BANK1: variants seen among roughly 807,000 people sequenced by gnomAD.
BANK1 encodes the protein B-cell scaffold protein with ankyrin repeats.
A neutral mutation model predicts 94.5 loss-of-function variants in BANK1; 95 were observed. The observed-to-expected ratio is 1.00, with a 90% CI of 0.85 to 1.19. BANK1 has a LOEUF of 1.19. Among genes scored for constraint, BANK1 ranks in the 50% most tolerant of loss-of-function variants. BANK1 has a pLI of 0.00. For missense variants in BANK1, 987 were observed against 932.2 expected, an observed-to-expected ratio of 1.06 and a Z score of -0.77; for synonymous variants, 334 against 308.4, an observed-to-expected ratio of 1.08 and a Z score of -0.87.
At chr4:101,995,107 C>G (rs962797924) in intron 7 of BANK1, among the ~76,000 whole-genome samples, 4 of 152,016 alleles carry the variant, frequency 2.6e-5, no homozygotes, top group African/African-American at 7.2e-5. Flanking sequence ...TAACCCCCCA[C>G]CACCTGACAG....
intron 7 of BANK1, among the ~76,000 whole-genome samples, chr4:101,964,931 A>G (rs2148920587): frequency 9.1e-6 from 1 of 110,302 alleles, no homozygotes; most frequent in East Asian, 2.9e-4. Context: ...CCGCCCCACA[A>G]CAGTCCCCAG....
At chr4:101,897,288 TTA>T (rs1224772213) in intron 6 of BANK1, among the ~76,000 whole-genome samples, 1 of 152,022 alleles carries the variant, frequency 6.6e-6, no homozygotes, top group East Asian at 1.9e-4. Flanking sequence ...TTCCTCAGCA[TTA>T]TATTTGCTTA....
Position 101,954,457 on chromosome 4 carries a change from C to T in BANK1, c.1206+36268C>T, listed in dbSNP as rs1053054184. Among the ~76,000 whole-genome samples, 6 of 151,998 alleles carry T rather than the reference C, an allele frequency of 3.9e-5. No individual in the cohort carries two copies. In the South Asian group the frequency reaches 8.3e-4, roughly 21 times the overall value. ...ATTTAGCAAGAAGATCAAATCTAAA[C>T]GAAGCCAGGTAAACATTAGTAGGCC... On this transcript the variant is annotated intron_variant, in intron 7 of 16. Transcript: ENST00000322953.
rs747788155 is a variant in BANK1 at position 101,977,110 on chromosome 4, CAG to C, written c.1207-44402_1207-44401del. The C allele has an allele frequency of 3.3e-5, 5 of 152,238 alleles. No homozygotes were observed. In the East Asian group the frequency reaches 9.7e-4, roughly 29 times the overall value. 9.4% of individuals were successfully genotyped at this position (152,238 alleles called of 1,614,324 possible). A position where few individuals can be genotyped will look rare whatever the true frequency, so the allele number is the denominator to read the frequency against. On this transcript the variant is annotated intron_variant, in intron 7 of 16. Coordinates refer to ENST00000322953, the MANE Select transcript of BANK1 (RefSeq NM_017935.5). ...AGTCAGGATAGGCTAGCTGCAATAA[CAG>C]AAAACACAGAATTCTCAGTGGCTAA...
intron 7 of BANK1, among the ~76,000 whole-genome samples, chr4:101,918,976 T>C (rs943857841): frequency 4.4e-4 from 67 of 152,070 alleles, no homozygotes; most frequent in African/African-American, 1.5e-3. Flanking sequence ...TTTTGTCTTA[T>C]GTCCTTCAAA....
At chr4:101,907,190 A>C (rs561579782) in intron 6 of BANK1, among the ~76,000 whole-genome samples, 1 of 152,350 alleles carries the variant, frequency 6.6e-6, no homozygotes, top group Admixed American at 6.5e-5. Context: ...TGCCTTTATC[A>C]AAAAGCTTAT....
In BANK1 at chr4:101,855,077, G is replaced by A. The variant is rs372497686; in HGVS notation, c.512G>A (p.Arg171Gln). Residue 171 changes from arginine to glutamine, a missense_variant, in exon 3 of 17, where the codon CGA (arginine) becomes CAA (glutamine). Arg to Gln is a conservative substitution (Grantham distance 43). Transcript: ENST00000322953. The part of the protein sequence containing the change: ...YFEVNIPTDL[R>Q]AKHSGEISER... ...GAGGTCAACATTCCAACAGACCTACGAGCAAAACATTCTGGGGAAATAAGT... is the reference window on the plus strand; with the variant it reads ...GAGGTCAACATTCCAACAGACCTACAAGCAAAACATTCTGGGGAAATAAGT... 1.4e-5 allele frequency: 23 copies of A among 1,613,048 alleles called. No individual in the cohort carries two copies. The highest frequency in any genetic ancestry group is 1.3e-4 in the African/African-American group (10 of 74,822).
intron 7 of BANK1, among the ~76,000 whole-genome samples, chr4:101,950,630 A>G (rs1724116398): frequency 6.6e-6 from 1 of 152,210 alleles, no homozygotes; most frequent in South Asian, 2.1e-4. Flanking sequence ...CATAAAGTTT[A>G]AAAAACGTGA....
chr4:101,948,882 C>T (rs1032010314), intron 7 of BANK1, among the ~76,000 whole-genome samples: 2 of 152,052 alleles, frequency 1.3e-5, no homozygotes, highest in Non-Finnish European at 2.9e-5. Flanking sequence ...TAATATTTGC[C>T]TTGCCTTTAT....
intron 4 of BANK1, among the ~76,000 whole-genome samples, chr4:101,870,036 T>C (rs1328660929): frequency 1.3e-5 from 2 of 151,988 alleles, no homozygotes; most frequent in African/African-American, 2.4e-5. Context: ...TTGCAGTCAA[T>C]TGAATACAAA....
chr4:101,914,454 C>A (rs1034752734), intron 6 of BANK1, among the ~76,000 whole-genome samples: 3 of 152,222 alleles, frequency 2.0e-5, no homozygotes, highest in Middle Eastern at 3.4e-3. Flanking sequence ...AATGGGAAAC[C>A]AATTTTGAAC....
At chr4:101,958,983 T>C (rs896100020) in intron 7 of BANK1, among the ~76,000 whole-genome samples, 2 of 152,172 alleles carry the variant, frequency 1.3e-5, no homozygotes, top group African/African-American at 4.8e-5. Context: ...TTGCGGATGG[T>C]CCTGTAAAAT....
At chr4:102,050,898 A>C (rs1234184954) in intron 11 of BANK1, among the ~76,000 whole-genome samples, 1 of 152,212 alleles carries the variant, frequency 6.6e-6, no homozygotes, top group Non-Finnish European at 1.5e-5. Flanking sequence ...CAGTAATTTT[A>C]TCTGCATGGC....
chr4:101,893,391 A>T (rs1046132229), intron 5 of BANK1, among the ~76,000 whole-genome samples: 6 of 151,956 alleles, frequency 3.9e-5, no homozygotes. Flanking sequence ...TCTACCCACT[A>T]GATTTTGTAT....
chr4:102,063,329 A>G (rs1243019160), intron 13 of BANK1, among the ~76,000 whole-genome samples, 191 bp downstream of exon 13: 2 of 152,072 alleles, frequency 1.3e-5, no homozygotes, highest in Non-Finnish European at 2.9e-5. Flanking sequence ...TTATATATGC[A>G]TCTGAGGGTG....
chr4:101,953,882 T>C (rs2148915799), intron 7 of BANK1, among the ~76,000 whole-genome samples: 1 of 152,294 alleles, frequency 6.6e-6, no homozygotes, highest in South Asian at 2.1e-4. Flanking sequence ...TCTTGCCTTC[T>C]GTATTTGTTT....
At chr4:101,946,519 G>A (rs2148912409) in intron 7 of BANK1, among the ~76,000 whole-genome samples, 1 of 152,104 alleles carries the variant, frequency 6.6e-6, no homozygotes, top group South Asian at 2.1e-4. Flanking sequence ...ACGGCAAAAT[G>A]CAGACGCCTT....
At chr4:101,924,071 C>G (rs1176593281) in intron 7 of BANK1, among the ~76,000 whole-genome samples, 1 of 151,616 alleles carries the variant, frequency 6.6e-6, no homozygotes, top group East Asian at 1.9e-4. Context: ...AGGTTGTATG[C>G]TTAATGCAAC....
chr4:101,821,322 T>C (rs1166974043), intron 1 of BANK1, among the ~76,000 whole-genome samples: 1 of 152,230 alleles, frequency 6.6e-6, no homozygotes, highest in Non-Finnish European at 1.5e-5. Flanking sequence ...CTTGGAAATG[T>C]GTTTAAGTTC....
Sources: allele counts gnomAD v4.1 joint callset (sites outside exome capture counted in the v4.1 genomes callset), GRCh38; gene constraint gnomAD v4.1.1; transcripts MANE v1.5; gene names NCBI Gene and HGNC (gene_info 2026-07-23, HGNC 2026-07-21).